FRMD3: variants seen among roughly 807,000 people sequenced by gnomAD.
FRMD3 encodes the protein FERM domain-containing protein 3.
FRMD3 carries 33 observed loss-of-function variants against 70.2 expected under a neutral mutation model. The observed-to-expected ratio is 0.47, with a 90% CI of 0.36 to 0.63. The LOEUF is 0.63. Ranked by LOEUF, FRMD3 falls within the 20% of genes least tolerant of loss-of-function variation. The pLI is 0.00. For synonymous variants in FRMD3, 279 were observed against 255.9 expected (o/e 1.09, Z -0.86); for missense variants, 632 against 711.4 (o/e 0.89, Z 1.27).
chr9:83,354,357 T>C (rs140284828), intron 3 of FRMD3, among the ~76,000 whole-genome samples: 211 of 152,298 alleles, frequency 1.4e-3, no homozygotes, highest in Non-Finnish European at 2.1e-3. Context: ...TGCAGCAACA[T>C]GAATGTAGCT....
At chr9:83,373,256 G>C (rs1338926606) in intron 2 of FRMD3, among the ~76,000 whole-genome samples, 1 of 152,146 alleles carries the variant, frequency 6.6e-6, no homozygotes, top group Non-Finnish European at 1.5e-5. Context: ...TTGACTCCTA[G>C]GTGATTCTTT....
chr9:83,268,843 A>G (rs1000236667), intron 13 of FRMD3, among the ~76,000 whole-genome samples: 1 of 152,186 alleles, frequency 6.6e-6, no homozygotes, highest in Non-Finnish European at 1.5e-5. Flanking sequence ...CACAGGAGTT[A>G]GTTAATTTTC....
At chr9:83,535,887 C>A (rs1334755353) in intron 1 of FRMD3, among the ~76,000 whole-genome samples, 8 of 152,078 alleles carry the variant, frequency 5.3e-5, no homozygotes, top group Admixed American at 3.3e-4. Context: ...ATGGATTCAC[C>A]CAGAACAAGT....
chr9:83,427,200 C>T (rs1334185420), intron 1 of FRMD3, among the ~76,000 whole-genome samples: 2 of 152,162 alleles, frequency 1.3e-5, no homozygotes, highest in Non-Finnish European at 2.9e-5. Context: ...GGAGTATAGG[C>T]TTGGGAAGCA....
intron 1 of FRMD3, among the ~76,000 whole-genome samples, chr9:83,407,878 T>TTCTCTCTCTCTCTCTCTCTCTCATCTTTC (rs1826165297): frequency 1.5e-3 from 136 of 89,008 alleles, no homozygotes; most frequent in African/African-American, 6.1e-3. Flanking sequence ...TCTCTCATCT[T>TTCTCTCTCTCTCTCTCTCTCTCATCTTTC]TCTCTCTCTC....
intron 10 of FRMD3, among the ~76,000 whole-genome samples, chr9:83,301,078 G>A (rs1485711066): frequency 1.3e-5 from 2 of 152,188 alleles, no homozygotes; most frequent in Non-Finnish European, 2.9e-5. Context: ...TCCTGTCAGG[G>A]CAGGGCCCAG....
the FRMD3 span, among the ~76,000 whole-genome samples, chr9:83,576,783 A>G: frequency 1.3e-5 from 2 of 152,074 alleles, no homozygotes; most frequent in Non-Finnish European, 2.9e-5. Context: ...AATAAAGGGC[A>G]CCCAGATTGG....
At chr9:83,457,766 A>C (rs1484583128) in intron 1 of FRMD3, among the ~76,000 whole-genome samples, 1 of 152,046 alleles carries the variant, frequency 6.6e-6, no homozygotes, top group African/African-American at 2.4e-5. Context: ...GTATTCTTGA[A>C]ATTTCCTAAG....
intron 12 of FRMD3, among the ~76,000 whole-genome samples, chr9:83,292,398 G>C (rs1834461189): frequency 6.6e-6 from 1 of 152,044 alleles, no homozygotes. Context: ...CTGACCTCAT[G>C]ATCTGCCCAT....
chr9:83,479,351 AGG>A (rs1828475757), intron 1 of FRMD3, among the ~76,000 whole-genome samples: 3 of 96,104 alleles, frequency 3.1e-5, no homozygotes, highest in Admixed American at 1.2e-4. Context: ...AAGAAGGAGG[AGG>A]AGGAGGAGGA....
intron 1 of FRMD3, among the ~76,000 whole-genome samples, chr9:83,403,469 T>C (rs1217188849): frequency 2.0e-5 from 3 of 152,112 alleles, no homozygotes; most frequent in African/African-American, 7.2e-5. Context: ...TCAGTTATAC[T>C]TGGTGTAGCT....
chr9:83,304,826 A>G (rs1165447843), intron 10 of FRMD3, among the ~76,000 whole-genome samples: 1 of 152,210 alleles, frequency 6.6e-6, no homozygotes, highest in African/African-American at 2.4e-5. Context: ...CAGACCACAC[A>G]TGGTATAAAG....
chr9:83,368,042 G>C (rs1824845181), intron 3 of FRMD3, among the ~76,000 whole-genome samples: 1 of 152,076 alleles, frequency 6.6e-6, no homozygotes, highest in Non-Finnish European at 1.5e-5. Flanking sequence ...GTGAATCTCA[G>C]AGTTATTATC....
chr9:83,325,526 T>C (rs1835977803), intron 6 of FRMD3, among the ~76,000 whole-genome samples: 1 of 151,906 alleles, frequency 6.6e-6, no homozygotes, highest in Non-Finnish European at 1.5e-5. Context: ...GATTTCACCA[T>C]GTTGCCCACG....
At chr9:83,468,067 T>A (rs1311857401) in intron 1 of FRMD3, among the ~76,000 whole-genome samples, 1 of 152,156 alleles carries the variant, frequency 6.6e-6, no homozygotes, top group African/African-American at 2.4e-5. Context: ...TCATAACATA[T>A]CTTGTTAGAC....
the FRMD3 span, among the ~76,000 whole-genome samples, chr9:83,567,059 C>T: frequency 6.6e-6 from 1 of 152,254 alleles, no homozygotes; most frequent in East Asian, 1.9e-4. Context: ...GGCCCTGCCC[C>T]TGCAGCAAAC....
chr9:83,389,799 T>A, intron 1 of FRMD3, 91 bp from the exon 2 acceptor site: 6 of 856,408 alleles, frequency 7.0e-6, no homozygotes, highest in Admixed American at 2.0e-5. Context: ...GGGTCTATGT[T>A]CTGAAAAATA....
intron 13 of FRMD3, among the ~76,000 whole-genome samples, chr9:83,257,233 G>T (rs1832750145): frequency 6.6e-6 from 1 of 152,150 alleles, no homozygotes; most frequent in African/African-American, 2.4e-5. Flanking sequence ...GACATGGATG[G>T]AGTTGGAAGT....
intron 1 of FRMD3, among the ~76,000 whole-genome samples, chr9:83,423,595 T>TA (rs1826709169): frequency 7.6e-6 from 1 of 132,316 alleles, no homozygotes; most frequent in Non-Finnish European, 1.6e-5. Context: ...CTTTTTTTTT[T>TA]TTTTTTTTTT....
Sources: allele counts gnomAD v4.1 joint callset (sites outside exome capture counted in the v4.1 genomes callset), GRCh38; gene constraint gnomAD v4.1.1; transcripts MANE v1.5; gene names NCBI Gene and HGNC (gene_info 2026-07-23, HGNC 2026-07-21).